The following PAQR3 variants were observed in gnomAD, a reference collection of about 807,000 sequenced individuals.
PAQR3 encodes the protein progestin and adipoQ receptor family member 3.
Under a neutral mutation model 41.7 loss-of-function variants are expected in PAQR3, and 39 were observed. The ratio of observed to expected loss-of-function variants is 0.93; its 90% CI spans 0.72 to 1.22. The LOEUF is 1.22. Ranked by LOEUF, PAQR3 falls within the 50% of genes most tolerant of loss-of-function variation. The pLI, the probability that PAQR3 is intolerant of heterozygous loss-of-function variation, is 0.00. For synonymous variants in PAQR3, 140 were observed against 140.6 expected (o/e 1.00, Z 0.03); for missense variants, 366 against 385.6 (o/e 0.95, Z 0.42).
intron 1 of PAQR3, 49 bp from the exon 2 acceptor site, chr4:78,935,332 T>C: frequency 6.4e-7 from 1 of 1,551,160 alleles, no homozygotes; most frequent in South Asian, 1.2e-5. Flanking sequence ...GCCAACTTAC[T>C]GTCACGTTCA....
At chr4:78,900,451 A>G (rs1733939905) in intron 11 of PAQR3, among the ~76,000 whole-genome samples, 1 of 152,220 alleles carries the variant, frequency 6.6e-6, no homozygotes, top group Non-Finnish European at 1.5e-5. Flanking sequence ...AATAAACAGT[A>G]TTCTGGAGAG....
chr4:78,910,226 A>G (rs1734513237), downstream of PAQR3, among the ~76,000 whole-genome samples: 1 of 152,252 alleles, frequency 6.6e-6, no homozygotes, highest in Non-Finnish European at 1.5e-5. Flanking sequence ...GAGTTGAAAT[A>G]TAAGCAGGAG....
At chr4:78,933,624 A>G (rs1239582810) in intron 2 of PAQR3, among the ~76,000 whole-genome samples, 1 of 152,242 alleles carries the variant, frequency 6.6e-6, no homozygotes, top group African/African-American at 2.4e-5. Context: ...GTTGTACAGC[A>G]TGTATTGTAA....
chr4:78,937,397 C>T (rs948201080), intron 1 of PAQR3, among the ~76,000 whole-genome samples: 1 of 152,194 alleles, frequency 6.6e-6, no homozygotes, highest in Non-Finnish European at 1.5e-5. Flanking sequence ...CTTTGGGTCT[C>T]TTCTTCCGTC....
intron 2 of PAQR3, among the ~76,000 whole-genome samples, chr4:78,933,922 C>G (rs1475583838): frequency 6.6e-6 from 1 of 152,032 alleles, no homozygotes; most frequent in South Asian, 2.1e-4. Flanking sequence ...ATATAACTAA[C>G]AAGAATAGAA....
intron 2 of PAQR3, among the ~76,000 whole-genome samples, chr4:78,930,772 T>C (rs1012529727): frequency 4.5e-5 from 6 of 132,402 alleles, no homozygotes; most frequent in African/African-American, 1.2e-4. Context: ...TCTTACTCAA[T>C]CTATTCCCCA....
chr4:78,903,768 T>G (rs955799262), intron 11 of PAQR3, among the ~76,000 whole-genome samples: 7 of 151,990 alleles, frequency 4.6e-5, no homozygotes, highest in Admixed American at 4.6e-4. Flanking sequence ...GTGGCTTTTA[T>G]TTTTTGGGCA....
At chr4:78,897,894 G>C (rs1733786878) in intron 11 of PAQR3, among the ~76,000 whole-genome samples, 1 of 152,206 alleles carries the variant, frequency 6.6e-6, no homozygotes, top group Non-Finnish European at 1.5e-5. Flanking sequence ...GTTAGGTTGA[G>C]AGAGTCATGA....
intron 3 of PAQR3, 138 bp from the exon 4 acceptor site, chr4:78,926,856 A>C: frequency 1.3e-6 from 1 of 741,332 alleles, no homozygotes; most frequent in Non-Finnish European, 2.2e-6. Context: ...ATCTCCCTTC[A>C]TTAAAAAATA....
Position 78,919,628 on chromosome 4 carries a change from T to C in PAQR3, c.*911A>G. The stretch of plus-strand genomic sequence containing the variant: ...TCAAGACAGGGCCATCTAGATTCTA[T>C]GGCCTTGCAAGTAGCACCCACAATG... On this transcript the variant is annotated 3_prime_UTR_variant, in exon 6 of 6. Coordinates refer to ENST00000512733, the MANE Select transcript of PAQR3 (RefSeq NM_001040202.2). The C allele has an allele frequency of 2.0e-6, 2 of 985,114 alleles. No homozygotes were observed. Among genetic ancestry groups the C allele is most frequent in the Non-Finnish European group, 2.4e-6 (2 of 829,782 alleles). 61.0% of individuals were successfully genotyped at this position (985,114 alleles called of 1,614,324 possible).
Position 78,939,366 on chromosome 4 carries a change from G to C in PAQR3, c.-142C>G. On this transcript the variant is annotated 5_prime_UTR_variant, in exon 1 of 6. Coordinates refer to ENST00000512733, the MANE Select transcript of PAQR3 (RefSeq NM_001040202.2). Reference sequence around the variant, plus strand: ...CTACCGCGCTGCCGCTGCTGCCCAGGGCCCGGCTCTGCGCTCACACCGGCC... The same window carrying C: ...CTACCGCGCTGCCGCTGCTGCCCAGCGCCCGGCTCTGCGCTCACACCGGCC... The C allele has an allele frequency of 1.5e-6, 1 of 648,224 alleles. No homozygotes were observed. The highest frequency in any genetic ancestry group is 2.2e-6 in the Non-Finnish European group (1 of 456,654). The allele number at this position is 648,224 out of a possible 1,614,324, so 40.2% of individuals were successfully genotyped here. A position where few individuals can be genotyped will look rare whatever the true frequency, so the allele number is the denominator to read the frequency against.
At position 78,919,912 on chromosome 4, in the gene PAQR3, C is replaced by T. The variant is rs1735490985; in HGVS notation, c.*627G>A. ...GAGAAGTTCTTTTCCTCTTCTCAAC[C>T]CTTCTCTCAACTTACTGCAGAAGTT... On this transcript the variant is annotated 3_prime_UTR_variant, in exon 6 of 6. Coordinates refer to ENST00000512733, the MANE Select transcript of PAQR3 (RefSeq NM_001040202.2). 1.0e-6 allele frequency: 1 copy of T among 985,162 alleles called. No individual in the cohort carries two copies. Among genetic ancestry groups the T allele is most frequent in the Admixed American group, 6.2e-5 (1 of 16,182 alleles). 61.0% of individuals were successfully genotyped at this position (985,162 alleles called of 1,614,324 possible).
chr4:78,892,654 C>T (rs1204358395), intron 11 of PAQR3, among the ~76,000 whole-genome samples: 1 of 152,174 alleles, frequency 6.6e-6, no homozygotes, highest in Non-Finnish European at 1.5e-5. Context: ...GGAGATACTG[C>T]AGGTTCCATT....
At chr4:78,888,512 G>A (rs931375878) in intron 11 of PAQR3, among the ~76,000 whole-genome samples, 3 of 152,162 alleles carry the variant, frequency 2.0e-5, no homozygotes, top group African/African-American at 7.2e-5. Flanking sequence ...GTTAGGAATT[G>A]CATTATCCTT....
intron 3 of PAQR3, among the ~76,000 whole-genome samples, chr4:78,929,324 G>C (rs1470606064): frequency 6.6e-6 from 1 of 152,142 alleles, no homozygotes; most frequent in African/African-American, 2.4e-5. Context: ...ACAAGGGCAT[G>C]GTAGAAAAAC....
rs1022243928 is a variant in PAQR3, at chr4:78,912,741, T to C, written c.*7798A>G. 2.0e-5 allele frequency: 3 copies of C among 152,138 alleles called. No individual in the cohort carries two copies. Among genetic ancestry groups the C allele is most frequent in the Non-Finnish European group, 2.9e-5 (2 of 68,020 alleles). The allele number at this position is 152,138 out of a possible 1,614,324, so 9.4% of individuals were successfully genotyped here. A position where few individuals can be genotyped will look rare whatever the true frequency, so the allele number is the denominator to read the frequency against. The stretch of plus-strand genomic sequence containing the variant: ...AAAACAATGTTATACATGATAAATA[T>C]ATATAATTTTTGTCAGTTAAAACAA... On this transcript the variant is annotated 3_prime_UTR_variant, in exon 6 of 6. Coordinates refer to ENST00000512733, the MANE Select transcript of PAQR3 (RefSeq NM_001040202.2).
chr4:78,898,019 C>T (rs1733794296), intron 11 of PAQR3, among the ~76,000 whole-genome samples: 1 of 152,112 alleles, frequency 6.6e-6, no homozygotes, highest in South Asian at 2.1e-4. Context: ...AGGAAAGCTT[C>T]ATGAGAAAGA....
At chr4:78,938,722 T>C (rs1737701979) in intron 1 of PAQR3, among the ~76,000 whole-genome samples, 1 of 152,050 alleles carries the variant, frequency 6.6e-6, no homozygotes, top group African/African-American at 2.4e-5. Flanking sequence ...CAAATATGGC[T>C]CAGCCCCATT....
rs1237358007 is a variant in PAQR3 at position 78,917,743 on chromosome 4, G to A, written c.*2796C>T. 2.2e-6 allele frequency: 2 copies of A among 911,048 alleles called. No homozygotes were observed. Among genetic ancestry groups the A allele is most frequent in the African/African-American group, 1.8e-5 (1 of 55,488 alleles). The allele number at this position is 911,048 out of a possible 1,614,324, so 56.4% of individuals were successfully genotyped here. On this transcript the variant is annotated 3_prime_UTR_variant, in exon 6 of 6. Transcript: ENST00000512733. ...CCCTTGACATTTAATACAGGGCAAA[G>A]TATTATCTAGTAGGTACCTGCCAAA...
Sources: gnomAD v4.1 joint callset for allele counts (sites outside exome capture counted in the v4.1 genomes callset) on GRCh38, gnomAD v4.1.1 for gene constraint, MANE v1.5 for transcripts, NCBI Gene and HGNC (gene_info 2026-07-23, HGNC 2026-07-21) for gene names.